ELK4: variants seen among roughly 807,000 people sequenced by gnomAD.
ELK4 encodes the protein ETS domain-containing protein Elk-4.
ELK4 carries 16 observed loss-of-function variants against 29.6 expected under a neutral mutation model. The observed-to-expected ratio is 0.54, with a 90% CI of 0.37 to 0.82. The LOEUF (loss-of-function observed/expected upper bound fraction) is 0.82, where lower values mean the gene tolerates loss of function less well. Among genes scored for constraint, ELK4 ranks in the 40% least tolerant of loss-of-function variants. The pLI is 0.00. For missense variants in ELK4, 465 were observed against 507.1 expected (o/e 0.92, Z 0.80); for synonymous variants, 213 against 191.1 (o/e 1.11, Z -0.95).
chr1:205,625,721 C>T (rs1358501715), intron 1 of ELK4: 2 of 725,780 alleles, frequency 2.8e-6, no homozygotes, highest in Non-Finnish European at 2.5e-6. Flanking sequence ...CTCTGTCACC[C>T]AGGCTGGAGT....
intron 1 of ELK4, among the ~76,000 whole-genome samples, chr1:205,627,249 C>T (rs1410635736): frequency 6.6e-6 from 1 of 152,150 alleles, no homozygotes. Context: ...GTGGCTCACG[C>T]CTGTAATCCC....
At chr1:205,618,721 G>C (rs113551063) in intron 4 of ELK4, among the ~76,000 whole-genome samples, 1 of 152,042 alleles carries the variant, frequency 6.6e-6, no homozygotes, top group East Asian at 1.9e-4. Context: ...TACTCCGGAG[G>C]CTGAGGCAGG....
In ELK4 at chr1:205,614,456, T is replaced by C. The variant is rs1156598683; in HGVS notation, c.*2090A>G. ...TCCAATTTCAAACAGGCATGCAAAC[T>C]AAATAATTTAATATGGAAAAAAAAG... On this transcript the variant is annotated 3_prime_UTR_variant, in exon 5 of 5. Transcript: ENST00000357992. 8.9e-6 allele frequency: 2 copies of C among 225,018 alleles called. No homozygotes were observed. Among genetic ancestry groups the C allele is most frequent in the Admixed American group, 1.1e-4 (2 of 17,404 alleles). The allele number at this position is 225,018 out of a possible 1,614,324, so 13.9% of individuals were successfully genotyped here. A position where few individuals can be genotyped will look rare whatever the true frequency, so the allele number is the denominator to read the frequency against.
At chr1:205,625,687 T>A (rs2102383863) in intron 1 of ELK4, 1 of 825,420 alleles carries the variant, frequency 1.2e-6, no homozygotes, top group Non-Finnish European at 2.1e-6. Flanking sequence ...TTCTTTTTTT[T>A]TTTTTTTGTG....
Position 205,620,805 on chromosome 1 carries a change from C to T in ELK4, c.241G>A (p.Val81Met). Residue 81 changes from valine (V) to methionine (M), a missense_variant, in exon 3 of 5, where the codon GTG (valine) becomes ATG (methionine). Around this residue, in one of 2 missense-constraint regions of ELK4, gnomAD observed 385 missense variants for 387.5 expected, o/e 0.99. Coordinates refer to ENST00000357992, the MANE Select transcript of ELK4 (RefSeq NM_001973.4). ...IIKKVNGQKF[V>M]YKFVSYPEIL... ...TCTGGATAAGAGACAAACTTGTACA[C>T]AAACTTCTGACCATTCACTTTTTTG... 1 of 1,612,600 alleles carries T rather than the reference C, an allele frequency of 6.2e-7. No individual in the cohort carries two copies. Among genetic ancestry groups the T allele is most frequent in the Non-Finnish European group, 8.5e-7 (1 of 1,179,794 alleles).
intron 1 of ELK4, among the ~76,000 whole-genome samples, chr1:205,628,097 A>C (rs1338303916): frequency 1.3e-5 from 2 of 152,232 alleles, no homozygotes; most frequent in Non-Finnish European, 2.9e-5. Flanking sequence ...ATCCACAAAT[A>C]TGAAGTGCTA....
intron 2 of ELK4, among the ~76,000 whole-genome samples, chr1:205,621,746 T>G (rs995004563): frequency 1.6e-4 from 24 of 151,686 alleles, no homozygotes; most frequent in Non-Finnish European, 3.4e-4. Flanking sequence ...CTTGAACTCC[T>G]GACCTCAACT....
At chr1:205,622,183 C>T (rs1331483467) in intron 2 of ELK4, among the ~76,000 whole-genome samples, 1 of 152,094 alleles carries the variant, frequency 6.6e-6, no homozygotes, top group Admixed American at 6.5e-5. Flanking sequence ...CACTGTGTTC[C>T]AGCCTGGGCA....
rs1303473191 is a variant in ELK4, at chr1:205,610,168, T to G, written c.*6378A>C. ...GGGCCAGCCACAGGAAACCCCCACC[T>G]CCTCCCCGACCCCATCCAGAAGATC... On this transcript the variant is annotated 3_prime_UTR_variant, in exon 5 of 5. Transcript: ENST00000357992. The G allele has an allele frequency of 4.3e-6, 1 of 230,758 alleles. No individual in the cohort carries two copies. Among genetic ancestry groups the G allele is most frequent in the Non-Finnish European group, 8.6e-6 (1 of 116,908 alleles). The allele number at this position is 230,758 out of a possible 1,614,324, so 14.3% of individuals were successfully genotyped here. A position where few individuals can be genotyped will look rare whatever the true frequency, so the allele number is the denominator to read the frequency against.
At chr1:205,626,456 C>A (rs1469793375) in intron 1 of ELK4, among the ~76,000 whole-genome samples, 2 of 152,088 alleles carry the variant, frequency 1.3e-5, no homozygotes, top group African/African-American at 4.8e-5. Context: ...TCTGACTGCC[C>A]AAGGGGCTCA....
intron 1 of ELK4, chr1:205,626,079 C>T (rs192241323): frequency 2.0e-6 from 2 of 1,013,362 alleles, no homozygotes; most frequent in Non-Finnish European, 3.2e-6. Context: ...CACAATGGGT[C>T]AGCTCTACCA....
At chr1:205,629,747 G>GA (rs35018164) in intron 1 of ELK4, among the ~76,000 whole-genome samples, 1 of 151,722 alleles carries the variant, frequency 6.6e-6, no homozygotes, top group African/African-American at 2.4e-5. Flanking sequence ...AAAAGCTAAA[G>GA]AAAAAAAATC....
rs1200304769 is a variant in ELK4 at position 205,614,841 on chromosome 1, T to TAAACC, written c.*1704_*1705insGGTTT. 8.8e-6 allele frequency: 2 copies of TAAACC among 226,868 alleles called. No homozygotes were observed. Among genetic ancestry groups the TAAACC allele is most frequent in the East Asian group, 1.3e-4 (2 of 15,884 alleles). The allele number at this position is 226,868 out of a possible 1,614,324, so 14.1% of individuals were successfully genotyped here. ...GACGAGTTTAACCGGTGGGAGAGAT[T>TAAACC]GGTGGGGGAGGGTGGTAGTGGTGGT... is the stretch of plus-strand genomic sequence containing the variant. On this transcript the variant is annotated 3_prime_UTR_variant, in exon 5 of 5. Coordinates refer to ENST00000357992, the MANE Select transcript of ELK4 (RefSeq NM_001973.4).
At position 205,616,322 on chromosome 1, in the gene ELK4, G is replaced by A. The variant is rs770401498; in HGVS notation, c.*224C>T. 2.1e-5 allele frequency: 9 copies of A among 421,348 alleles called. No homozygotes were observed. The highest frequency in any genetic ancestry group is 3.4e-5 in the Non-Finnish European group (8 of 232,134). The allele number at this position is 421,348 out of a possible 1,614,324, so 26.1% of individuals were successfully genotyped here. A position where few individuals can be genotyped will look rare whatever the true frequency, so the allele number is the denominator to read the frequency against. On this transcript the variant is annotated 3_prime_UTR_variant, in exon 5 of 5. Transcript: ENST00000357992. ...GAAAGAAAAAGAAAAGGAAAAGACA[G>A]AGGGAGGTGGAGTTTAGACTCCAAT...
intron 3 of ELK4, chr1:205,619,397 A>C: frequency 9.4e-7 from 1 of 1,061,548 alleles, no homozygotes; most frequent in Non-Finnish European, 1.1e-6. Context: ...AACATTTATA[A>C]AGTCTTTTCC....
chr1:205,623,658 G>A lies in ELK4; in HGVS notation c.207+18C>T, dbSNP rs763142011. ...TCTGGAGGTTCTCTGTATAGTATAA[G>A]ATCAGGATGTGTACTACCTTTACAT... On this transcript the variant is annotated intron_variant, in intron 2 of 4. Coordinates refer to ENST00000357992, the MANE Select transcript of ELK4 (RefSeq NM_001973.4). 6.2e-7 allele frequency: 1 copy of A among 1,612,618 alleles called. No individual in the cohort carries two copies. The highest frequency in any genetic ancestry group is 1.3e-5 in the African/African-American group (1 of 74,852).
chr1:205,627,649 C>T (rs1670493004), intron 1 of ELK4, among the ~76,000 whole-genome samples: 1 of 152,046 alleles, frequency 6.6e-6, no homozygotes, highest in Non-Finnish European at 1.5e-5. Flanking sequence ...ACAAACAACA[C>T]AACAAACACT....
Position 205,620,178 on chromosome 1 carries a change from T to C in ELK4, c.868A>G (p.Met290Val), listed in dbSNP as rs201988795. 2.3e-5 allele frequency: 37 copies of C among 1,614,112 alleles called. No individual in the cohort carries two copies. Among genetic ancestry groups the C allele is most frequent in the South Asian group, 7.7e-5 (7 of 91,090 alleles). ...AGTGACAAATTCTCTGGAAGTTCCA[T>C]TGGCTGAGAAGCCACTGAATCAATG... ...TDIDSVASQP[M>V]ELPENLSLEP... The change falls in exon 3 of 5, where the codon ATG (methionine) becomes GTG (valine). Residue 290 changes from methionine to valine, a missense_variant. Coordinates refer to ENST00000357992, the MANE Select transcript of ELK4 (RefSeq NM_001973.4).
At chr1:205,630,308 T>C (rs998052664) in intron 1 of ELK4, among the ~76,000 whole-genome samples, 3 of 152,178 alleles carry the variant, frequency 2.0e-5, no homozygotes, top group East Asian at 1.9e-4. Context: ...CTGTCCTAAA[T>C]TGAAAGGGAG....
Sources: gnomAD v4.1 joint callset for allele counts (sites outside exome capture counted in the v4.1 genomes callset) on GRCh38, gnomAD v4.1.1 for gene constraint, gnomAD v4.1.1 regional missense constraint, MANE v1.5 for transcripts, NCBI Gene and HGNC (gene_info 2026-07-23, HGNC 2026-07-21) for gene names.